Variants in SMPD1 observed in about 807,000 individuals in gnomAD.
SMPD1 encodes sphingomyelin phosphodiesterase 1, also known as sphingomyelin phosphodiesterase.
SMPD1 carries 47 observed loss-of-function variants against 49.7 expected under a neutral mutation model. That is an observed-to-expected ratio of 0.95 (90% CI 0.75 to 1.21). The LOEUF (loss-of-function observed/expected upper bound fraction) is 1.21. Ranked by LOEUF, SMPD1 falls within the 50% of genes most tolerant of loss-of-function variation. SMPD1 has a pLI of 0.00. For missense variants in SMPD1, 811 were observed against 822.2 expected (o/e 0.99, Z 0.17); for synonymous variants, 336 against 339.6 (o/e 0.99, Z 0.12).
Position 6,390,550 on chromosome 11 carries a change from G to GC in SMPD1, c.-47dup. On this transcript the variant is annotated 5_prime_UTR_variant, in exon 1 of 6. Transcript: ENST00000342245. ...GCCCTGAGGGCTGGCTAGGGTCCAGGCCGGGGGGGACGGGACAGACGAACC... is the reference window on the plus strand; with the variant it reads ...GCCCTGAGGGCTGGCTAGGGTCCAGGCCCGGGGGGGACGGGACAGACGAACC... 1 of 1,591,178 alleles carries GC rather than the reference G, an allele frequency of 6.3e-7. No individual in the cohort carries two copies. The highest frequency in any genetic ancestry group is 8.5e-7 in the Non-Finnish European group (1 of 1,170,462).
rs750187574 is a variant in SMPD1 at position 6,391,632 on chromosome 11, A to T, written c.567A>T (p.Lys189Asn). Reference protein sequence around the residue: ...SLPTVPKPPPKPPSPPAPGAP... With the variant: ...SLPTVPKPPPNPPSPPAPGAP... ...CTACTGTGCCGAAGCCGCCCCCCAA[A>T]CCCCCTAGCCCCCCAGCCCCAGGTG... Residue 189 changes from lysine to asparagine, a missense_variant, in exon 2 of 6, where the codon AAA becomes AAT. Transcript: ENST00000342245. The T allele has an allele frequency of 6.7e-7, 1 of 1,496,682 alleles. No homozygotes were observed. The highest frequency in any genetic ancestry group is 9.0e-7 in the Non-Finnish European group (1 of 1,112,736). The allele number at this position is 1,496,682 out of a possible 1,614,324, so 92.7% of individuals were successfully genotyped here. A position where few individuals can be genotyped will look rare whatever the true frequency, so the allele number is the denominator to read the frequency against.
chr11:6,390,923 A>C lies in SMPD1; in HGVS notation c.318+7A>C, dbSNP rs747913628. 1.9e-6 allele frequency: 3 copies of C among 1,614,012 alleles called. No individual in the cohort carries two copies. Among genetic ancestry groups the C allele is most frequent in the South Asian group, 1.1e-5 (1 of 91,078 alleles). On this transcript the variant is annotated splice_region_variant and intron_variant, in intron 1 of 5. Coordinates refer to ENST00000342245, the MANE Select transcript of SMPD1 (RefSeq NM_000543.5). ...CATCAACCTCGGGCTGAAGGTGAGC[A>C]CTGAAGGGGCTGCAGTGGAGGAGGC...
At chr11:6,391,048 G>A (rs1205133827) in intron 1 of SMPD1, 132 bp downstream of exon 1, 2 of 1,225,506 alleles carry the variant, frequency 1.6e-6, no homozygotes, top group Non-Finnish European at 1.2e-6. Flanking sequence ...CCATCACTGA[G>A]TTTGCTCCCC....
rs1803160 is a variant in SMPD1, at chr11:6,394,681, A to C, written c.*74A>C. The C allele has an allele frequency of 4.5e-3, 5,817 of 1,292,224 alleles. 224 individuals are homozygous for C. In the African/African-American group the frequency reaches 0.075, roughly 17 times the overall value. The allele number at this position is 1,292,224 out of a possible 1,614,324, so 80.0% of individuals were successfully genotyped here. On this transcript the variant is annotated 3_prime_UTR_variant, in exon 6 of 6. Coordinates refer to ENST00000342245, the MANE Select transcript of SMPD1 (RefSeq NM_000543.5). ...AAAAGCCCAAATGCTGCTGTGGTTC[A>C]ACCAGGCAAGATCATCCGGTGAAAG...
chr11:6,393,982 G>A lies in SMPD1; in HGVS notation c.1427G>A (p.Arg476Gln), dbSNP rs763566905. The change falls in exon 5 of 6, where the codon CGG becomes CAG. Residue 476 changes from arginine (R) to glutamine (Q), a missense_variant. Coordinates refer to ENST00000342245, the MANE Select transcript of SMPD1 (RefSeq NM_000543.5). ...TTCTATGATGAAGAGACTCTGAGCCGGCCGCTGGCTGTAGCCTTCCTGGCA... is the reference window on the plus strand; with the variant it reads ...TTCTATGATGAAGAGACTCTGAGCCAGCCGCTGGCTGTAGCCTTCCTGGCA... ...EVFYDEETLSRPLAVAFLAPS... is the reference protein window; with the variant it reads ...EVFYDEETLSQPLAVAFLAPS... The A allele has an allele frequency of 2.3e-5, 37 of 1,614,046 alleles. No homozygotes were observed. The highest frequency in any genetic ancestry group is 1.6e-4 in the Middle Eastern group (1 of 6,078).
rs74053349 is a variant in SMPD1, at chr11:6,391,624, C to G, written c.559C>G (p.Pro187Ala). Residue 187 changes from proline to alanine, a missense_variant, in exon 2 of 6, where the codon CCC becomes GCC. Physicochemically the swap from Pro to Ala is conservative, Grantham distance 27. Coordinates refer to ENST00000342245, the MANE Select transcript of SMPD1 (RefSeq NM_000543.5). ...CTCTTTGCCTACTGTGCCGAAGCCGCCCCCCAAACCCCCTAGCCCCCCAGC... is the reference window on the plus strand; with the variant it reads ...CTCTTTGCCTACTGTGCCGAAGCCGGCCCCCAAACCCCCTAGCCCCCCAGC... ...NISLPTVPKP[P>A]PKPPSPPAPG... 6 of 1,482,204 alleles carry G rather than the reference C, an allele frequency of 4.0e-6. No homozygotes were observed. The highest frequency in any genetic ancestry group is 1.6e-5 in the African/African-American group (1 of 61,034). The allele number at this position is 1,482,204 out of a possible 1,614,324, so 91.8% of individuals were successfully genotyped here. A position where few individuals can be genotyped will look rare whatever the true frequency, so the allele number is the denominator to read the frequency against.
chr11:6,394,641 TG>T lies in SMPD1; in HGVS notation c.*35del. 5 of 1,576,586 alleles carry T rather than the reference TG, an allele frequency of 3.2e-6. No individual in the cohort carries two copies. Among genetic ancestry groups the T allele is most frequent in the Non-Finnish European group, 3.4e-6 (4 of 1,160,120 alleles). On this transcript the variant is annotated 3_prime_UTR_variant, in exon 6 of 6. Coordinates refer to ENST00000342245, the MANE Select transcript of SMPD1 (RefSeq NM_000543.5). ...GGCCCACATTTGGGAAAGTTCTTGATGTAGGAAAGGGTGAAAAAGCCCAAAT... is the reference window on the plus strand; with the variant it reads ...GGCCCACATTTGGGAAAGTTCTTGATTAGGAAAGGGTGAAAAAGCCCAAAT...
intron 2 of SMPD1, among the ~76,000 whole-genome samples, chr11:6,392,623 T>A (rs1003681756): frequency 6.7e-6 from 1 of 148,864 alleles, no homozygotes; most frequent in Non-Finnish European, 1.5e-5. Context: ...GCCTCCCAAG[T>A]ACCTGGGACT....
chr11:6,394,551 C>G lies in SMPD1; in HGVS notation c.1840C>G (p.Pro614Ala). The G allele has an allele frequency of 6.2e-7, 1 of 1,608,252 alleles. No homozygotes were observed. Among genetic ancestry groups the G allele is most frequent in the Non-Finnish European group, 8.5e-7 (1 of 1,179,944 alleles). ...CCCTGCTCTGTGCCGCCACCTGATG[C>G]CAGATGGGAGCCTCCCAGAGGCCCA... ...DSPALCRHLM[P>A]DGSLPEAQSL... The change falls in exon 6 of 6, where the codon CCA becomes GCA. Residue 614 changes from proline to alanine, a missense_variant. Pro to Ala is a conservative substitution (Grantham distance 27). Transcript: ENST00000342245.
In SMPD1 at chr11:6,394,822, T is replaced by A; in HGVS notation, c.*215T>A. On this transcript the variant is annotated 3_prime_UTR_variant, in exon 6 of 6. Transcript: ENST00000342245. ...GCCTGTGCCCAGGAGCTAGACTGCC[T>A]TGAGGCTGCTGTCCTTTCACAGCCA... 3.3e-6 allele frequency: 2 copies of A among 602,070 alleles called. No homozygotes were observed. Among genetic ancestry groups the A allele is most frequent in the South Asian group, 3.9e-5 (2 of 50,678 alleles). 37.3% of individuals were successfully genotyped at this position (602,070 alleles called of 1,614,324 possible).
intron 3 of SMPD1, 61 bp from the exon 4 acceptor site, chr11:6,393,556 C>G: frequency 2.8e-6 from 4 of 1,453,002 alleles, no homozygotes; most frequent in Non-Finnish European, 3.9e-6. Flanking sequence ...CCCCCTTTCT[C>G]TAGCCAGGGC....
At position 6,393,400 on chromosome 11, in the gene SMPD1, A is replaced by G; in HGVS notation, c.1263+13A>G. 1 of 1,609,900 alleles carries G rather than the reference A, an allele frequency of 6.2e-7. No homozygotes were observed. Among genetic ancestry groups the G allele is most frequent in the Non-Finnish European group, 8.5e-7 (1 of 1,177,362 alleles). On this transcript the variant is annotated intron_variant, in intron 3 of 5. Coordinates refer to ENST00000342245, the MANE Select transcript of SMPD1 (RefSeq NM_000543.5). ...TCGAGGAGACAAAGTGAGGGCCAGT[A>G]GTGGGAACACGGTGGTGCTGGGGGA...
intron 2 of SMPD1, 141 bp downstream of exon 2, chr11:6,392,297 T>C: frequency 1.3e-6 from 1 of 747,824 alleles, no homozygotes; most frequent in Non-Finnish European, 2.3e-6. Context: ...ATCTGACTCC[T>C]CCTTCCCTTT....
In SMPD1 at chr11:6,392,145, G is replaced by A. The variant is rs1195009548; in HGVS notation, c.1080G>A (p.Leu360=). 1 of 1,614,142 alleles carries A rather than the reference G, an allele frequency of 6.2e-7. No homozygotes were observed. The highest frequency in any genetic ancestry group is 2.2e-5 in the East Asian group (1 of 44,882). ...AGCCCTGGCTGCCTGCCGAAGCCCT[G>A]CGCACCCTCAGGTACTTATCGTCCG... The part of the protein sequence containing the change: ...AWEPWLPAEA[L]RTLRIGGFYA... Residue 360 remains leucine (L), a synonymous_variant, in exon 2 of 6, where the codon CTG becomes CTA. Coordinates refer to ENST00000342245, the MANE Select transcript of SMPD1 (RefSeq NM_000543.5).
rs201367689 is a variant in SMPD1, at chr11:6,390,701, C to G, written c.103C>G (p.Leu35Val). 2.2e-4 allele frequency: 270 copies of G among 1,254,566 alleles called. No homozygotes were observed. The highest frequency in any genetic ancestry group is 2.6e-4 in the Non-Finnish European group (238 of 925,824). 77.7% of individuals were successfully genotyped at this position (1,254,566 alleles called of 1,614,324 possible). A position where few individuals can be genotyped will look rare whatever the true frequency, so the allele number is the denominator to read the frequency against. ...AGCCCCCGGACTCCTTTGGATGGGCCTGGTGCTGGCGCTGGCGCTGGCGCT... is the reference window on the plus strand; with the variant it reads ...AGCCCCCGGACTCCTTTGGATGGGCGTGGTGCTGGCGCTGGCGCTGGCGCT... ...AGAPGLLWMG[L>V]VLALALALAL... The change falls in exon 1 of 6, where the codon CTG (leucine) becomes GTG (valine). Residue 35 changes from leucine to valine, a missense_variant. Coordinates refer to ENST00000342245, the MANE Select transcript of SMPD1 (RefSeq NM_000543.5).
rs1554935371 is a variant in SMPD1, at chr11:6,394,041, G to A, written c.1486G>A (p.Gly496Ser). The A allele has an allele frequency of 1.9e-6, 3 of 1,614,034 alleles. No homozygotes were observed. The African/African-American group carries it at 4.0e-5, about 22-fold the overall frequency. ...SATTYIGLNP[G>S]YRVYQIDGNY... ...AACTACCTACATCGGCCTTAATCCT[G>A]GTGAGTGAGGCAGAAGGGAGCCTCC... is the stretch of plus-strand genomic sequence containing the variant. The change falls in exon 5 of 6, where the codon GGT becomes AGT. Residue 496 changes from glycine (G) to serine (S), a missense_variant and splice_region_variant. By Grantham distance (56) the Gly-to-Ser change is moderately conservative (BLOSUM62 0). Coordinates refer to ENST00000342245, the MANE Select transcript of SMPD1 (RefSeq NM_000543.5).
At position 6,390,474 on chromosome 11, in the gene SMPD1, A is replaced by C; in HGVS notation, c.-125A>C. ...GCTGCTTTGCGGCCGGCCGCGGAGC[A>C]GTCAGCCGACTACAGAGAAGGGTAA... On this transcript the variant is annotated 5_prime_UTR_variant, in exon 1 of 6. Coordinates refer to ENST00000342245, the MANE Select transcript of SMPD1 (RefSeq NM_000543.5). 1 of 1,504,322 alleles carries C rather than the reference A, an allele frequency of 6.6e-7. No individual in the cohort carries two copies. Among genetic ancestry groups the C allele is most frequent in the Non-Finnish European group, 8.9e-7 (1 of 1,122,750 alleles). 93.2% of individuals were successfully genotyped at this position (1,504,322 alleles called of 1,614,324 possible).
In SMPD1 at chr11:6,393,419, T is replaced by C. The variant is rs754418345; in HGVS notation, c.1263+32T>C. 6 of 1,600,442 alleles carry C rather than the reference T, an allele frequency of 3.7e-6. No individual in the cohort carries two copies. The South Asian group carries it at 6.7e-5, about 18-fold the overall frequency. ...GCCAGTAGTGGGAACACGGTGGTGC[T>C]GGGGGACAAGCAGGCTCCTGTTGAG... On this transcript the variant is annotated intron_variant, in intron 3 of 5. Coordinates refer to ENST00000342245, the MANE Select transcript of SMPD1 (RefSeq NM_000543.5).
intron 2 of SMPD1, 106 bp from the exon 3 acceptor site, chr11:6,393,110 C>A: frequency 2.3e-6 from 2 of 881,668 alleles, no homozygotes; most frequent in Non-Finnish European, 3.6e-6. Flanking sequence ...GAGCTCCTTG[C>A]AGGTGGGGAA....
Sources: allele counts gnomAD v4.1 joint callset (sites outside exome capture counted in the v4.1 genomes callset), GRCh38; gene constraint gnomAD v4.1.1; transcripts MANE v1.5; gene names NCBI Gene and HGNC (gene_info 2026-07-23, HGNC 2026-07-21).